The following VIPR2 variants were observed in gnomAD, a reference collection of about 807,000 sequenced individuals.
The protein encoded by VIPR2 is vasoactive intestinal peptide receptor 2.
VIPR2 carries 48 observed loss-of-function variants against 58.0 expected under a neutral mutation model. The observed-to-expected ratio is 0.83, with a 90% CI of 0.66 to 1.05. VIPR2 has a LOEUF of 1.05. VIPR2 is among the 50% of genes least tolerant of loss of function. VIPR2 has a pLI of 0.00. For synonymous variants in VIPR2, 243 were observed against 235.2 expected, an observed-to-expected ratio of 1.03 and a Z score of -0.30; for missense variants, 534 against 558.0, an observed-to-expected ratio of 0.96 and a Z score of 0.43.
chr7:159,050,895 G>A (rs562683354), intron 5 of VIPR2, among the ~76,000 whole-genome samples: 34 of 152,318 alleles, frequency 2.2e-4, no homozygotes, highest in African/African-American at 7.9e-4. Context: ...AAGACACACT[G>A]CCTCAAAGGA....
In VIPR2 at chr7:159,088,758, G is replaced by A. The variant is rs143905159; in HGVS notation, c.357+14999C>T. 2.6e-4 allele frequency among the ~76,000 whole-genome samples: 39 copies of A among 152,358 alleles called. 1 individual carries two copies. The East Asian group carries it at 7.5e-3, about 29-fold the overall frequency. Reference sequence around the variant, plus strand: ...AGCAGTGAGCTCCGGAGTCCATTCAGCTACTCTGGTCACAGCCTGGAAACG... The same window carrying A: ...AGCAGTGAGCTCCGGAGTCCATTCAACTACTCTGGTCACAGCCTGGAAACG... On this transcript the variant is annotated intron_variant, in intron 4 of 12. Transcript: ENST00000262178.
At chr7:159,137,839 AT>A (rs1797292527) in intron 2 of VIPR2, among the ~76,000 whole-genome samples, 1 of 152,228 alleles carries the variant, frequency 6.6e-6, no homozygotes, top group South Asian at 2.1e-4. Context: ...CCAAAAAGTT[AT>A]TTGGACTAGA....
rs10230171 is a variant in VIPR2 at position 159,131,246 on chromosome 7, T to C, written c.151+11200A>G. On this transcript the variant is annotated intron_variant, in intron 2 of 12. Coordinates refer to ENST00000262178, the MANE Select transcript of VIPR2 (RefSeq NM_003382.5). ...GATGGTGAACAAATGGAAAACCTTA[T>C]CTCCTGTGTAAAGGCAAACAGAAAA... 9.3e-3 allele frequency among the ~76,000 whole-genome samples: 1,421 copies of C among 152,206 alleles called. 26 individuals are homozygous for C. The highest frequency in any genetic ancestry group is 0.032 in the African/African-American group (1,325 of 41,512).
At chr7:159,042,263 T>A (rs182634240) in intron 6 of VIPR2, among the ~76,000 whole-genome samples, 2 of 152,174 alleles carry the variant, frequency 1.3e-5, no homozygotes, top group East Asian at 3.9e-4. Flanking sequence ...GTAGCAAGGG[T>A]CTCTGGTTGA....
chr7:159,143,383 C>T (rs143229993), intron 1 of VIPR2, among the ~76,000 whole-genome samples: 1 of 152,050 alleles, frequency 6.6e-6, no homozygotes. Flanking sequence ...CCCCCACCAC[C>T]GACCAAAATT....
At chr7:159,068,687 G>C (rs1470131214) in intron 4 of VIPR2, among the ~76,000 whole-genome samples, 1 of 152,214 alleles carries the variant, frequency 6.6e-6, no homozygotes, top group Non-Finnish European at 1.5e-5. Flanking sequence ...GCTTCTGGAC[G>C]GCGGGTGCAA....
chr7:159,103,203 G>A (rs896164268), intron 4 of VIPR2, among the ~76,000 whole-genome samples: 2 of 152,210 alleles, frequency 1.3e-5, no homozygotes, highest in African/African-American at 4.8e-5. Flanking sequence ...ACTGCAGCAA[G>A]TTTGTGCAGC....
Position 159,058,967 on chromosome 7 carries a change from C to T in VIPR2, c.358-389G>A, listed in dbSNP as rs115861564. ...ACTCCTGGATGAGCTCAGGTGGACA[C>T]ACAGGTCTGAGTGTGTTAAACACTA... On this transcript the variant is annotated intron_variant, in intron 4 of 12. Coordinates refer to ENST00000262178, the MANE Select transcript of VIPR2 (RefSeq NM_003382.5). Among the ~76,000 whole-genome samples the T allele has an allele frequency of 7.1e-3, 1,080 of 152,314 alleles. 12 individuals are homozygous for T. The highest frequency in any genetic ancestry group is 0.025 in the African/African-American group (1,023 of 41,572).
rs1854959210 is a variant in VIPR2, at chr7:159,050,815, A to C, written c.456-7639T>G. Among the ~76,000 whole-genome samples the C allele has an allele frequency of 1.3e-5, 2 of 152,146 alleles. 1 individual carries two copies. The highest frequency in any genetic ancestry group is 4.1e-4 in the South Asian group (2 of 4,824). ...CCCAAGAAGGAGAAATGTGAAGAAA[A>C]CCACCTTAAGTCCTATGAGAGTGTA... On this transcript the variant is annotated intron_variant, in intron 5 of 12. Coordinates refer to ENST00000262178, the MANE Select transcript of VIPR2 (RefSeq NM_003382.5).
At chr7:159,051,209 C>G (rs376767309) in intron 5 of VIPR2, among the ~76,000 whole-genome samples, 5 of 152,108 alleles carry the variant, frequency 3.3e-5, no homozygotes, top group African/African-American at 1.2e-4. Context: ...GTAAATGCGA[C>G]CTTTAACACA....
intron 3 of VIPR2, among the ~76,000 whole-genome samples, chr7:159,108,288 G>A (rs948375516): frequency 6.6e-5 from 10 of 152,228 alleles, no homozygotes; most frequent in East Asian, 5.8e-4. Flanking sequence ...TATTTGCAAA[G>A]GATGCCCATT....
chr7:159,094,915 C>A (rs972978107), intron 4 of VIPR2, among the ~76,000 whole-genome samples: 17 of 152,278 alleles, frequency 1.1e-4, no homozygotes, highest in African/African-American at 3.9e-4. Context: ...GGCAACTGAC[C>A]TAGGAAGTGG....
rs140674073 is a variant in VIPR2, at chr7:159,124,569, G to A, written c.152-14650C>T. Among the ~76,000 whole-genome samples the A allele has an allele frequency of 7.2e-3, 1,092 of 152,252 alleles. 16 individuals are homozygous for A. Among genetic ancestry groups the A allele is most frequent in the African/African-American group, 0.025 (1,035 of 41,558 alleles). ...AGCCCCGTAGTATTGTTTCAGGTAC[G>A]GTAATGCGATGCCTCCAGCTTTCTT... On this transcript the variant is annotated intron_variant, in intron 2 of 12. Transcript: ENST00000262178.
chr7:159,036,069 T>G (rs1241508904), intron 7 of VIPR2, 57 bp from the exon 8 acceptor site: 6 of 1,558,984 alleles, frequency 3.8e-6, no homozygotes, highest in African/African-American at 1.4e-5. Context: ...CGCACACAGG[T>G]GGGTGCCTTC....
chr7:159,107,716 C>G (rs1427632513), intron 3 of VIPR2, among the ~76,000 whole-genome samples: 1 of 151,796 alleles, frequency 6.6e-6, no homozygotes, highest in Non-Finnish European at 1.5e-5. Context: ...AGGGTTAGGA[C>G]CCGGGGAAGG....
intron 7 of VIPR2, among the ~76,000 whole-genome samples, chr7:159,036,369 C>A (rs1053141418): frequency 2.0e-5 from 3 of 152,194 alleles, no homozygotes; most frequent in Admixed American, 6.5e-5. Context: ...TGAGGATGTC[C>A]CAAATTTGCA....
At chr7:159,036,936 AC>A (rs764886905) in intron 6 of VIPR2, 34 bp from the exon 7 acceptor site, 1 of 1,594,196 alleles carries the variant, frequency 6.3e-7, no homozygotes, top group Admixed American at 1.7e-5. Context: ...GGAAAGCATG[AC>A]CTCATCCGGT....
intron 4 of VIPR2, among the ~76,000 whole-genome samples, chr7:159,060,049 C>G (rs1464914544): frequency 6.6e-6 from 1 of 151,538 alleles, no homozygotes; most frequent in African/African-American, 2.4e-5. Flanking sequence ...CACTTACCCA[C>G]CACCCTCACC....
chr7:159,033,261 G>A lies in VIPR2; in HGVS notation c.971+952C>T, dbSNP rs543347425. 1.7e-4 allele frequency among the ~76,000 whole-genome samples: 26 copies of A among 152,194 alleles called. No homozygotes were observed. The East Asian group carries it at 4.5e-3, about 26-fold the overall frequency. ...CTGTTGGCCATGCTCCTGTCTAACC[G>A]CCCCTCCCCAAATCCATCCCTGTTT... On this transcript the variant is annotated intron_variant, in intron 10 of 12. Transcript: ENST00000262178.
Sources: allele counts gnomAD v4.1 joint callset (sites outside exome capture counted in the v4.1 genomes callset), GRCh38; gene constraint gnomAD v4.1.1; transcripts MANE v1.5; gene names NCBI Gene and HGNC (gene_info 2026-07-23, HGNC 2026-07-21).